PPARGC1A: variants seen among roughly 807,000 people sequenced by gnomAD.
The protein encoded by PPARGC1A is PPARG coactivator 1 alpha.
Under a neutral mutation model 88.7 loss-of-function variants are expected in PPARGC1A, and 25 were observed. The observed-to-expected ratio is 0.28, with a 90% CI of 0.21 to 0.39. PPARGC1A has a LOEUF of 0.39. Among genes scored for constraint, PPARGC1A ranks in the 10% least tolerant of loss-of-function variants. The pLI is 1.00. For synonymous variants in PPARGC1A, 363 were observed against 355.6 expected (o/e 1.02, Z -0.24); for missense variants, 880 against 968.7 (o/e 0.91, Z 1.22).
chr4:23,834,498 A>AC (rs1725664756), intron 2 of PPARGC1A, among the ~76,000 whole-genome samples: 2 of 152,130 alleles, frequency 1.3e-5, no homozygotes, highest in African/African-American at 4.8e-5. Context: ...CAAAAAAAAA[A>AC]AACAACCAAA....
At chr4:24,143,836 C>A in the PPARGC1A span, among the ~76,000 whole-genome samples, 1 of 152,218 alleles carries the variant, frequency 6.6e-6, no homozygotes, top group Non-Finnish European at 1.5e-5. Flanking sequence ...ATCTCAGAAC[C>A]GCCACTTGGC....
chr4:24,324,388 G>A, the PPARGC1A span, among the ~76,000 whole-genome samples: 5 of 149,762 alleles, frequency 3.3e-5, no homozygotes, highest in Non-Finnish European at 7.4e-5. Context: ...TTATTTCCAT[G>A]CCCCAACCCC....
chr4:23,960,494 T>C, the PPARGC1A span, among the ~76,000 whole-genome samples: 5 of 152,286 alleles, frequency 3.3e-5, no homozygotes, highest in African/African-American at 1.2e-4. Context: ...TGCTCATCTT[T>C]GGCTCCTATT....
chr4:23,922,364 A>G, the PPARGC1A span, among the ~76,000 whole-genome samples: 3 of 152,168 alleles, frequency 2.0e-5, no homozygotes, highest in Non-Finnish European at 4.4e-5. Flanking sequence ...GCAGGTACAC[A>G]TCTATGTGTG....
the PPARGC1A span, among the ~76,000 whole-genome samples, chr4:24,327,575 G>A: frequency 6.6e-6 from 1 of 151,706 alleles, no homozygotes; most frequent in Admixed American, 6.6e-5. Context: ...CCGTATCCAG[G>A]CCATCACCAA....
At chr4:24,233,211 A>G in the PPARGC1A span, among the ~76,000 whole-genome samples, 3 of 152,250 alleles carry the variant, frequency 2.0e-5, no homozygotes, top group African/African-American at 7.2e-5. Context: ...TTCCTCCACA[A>G]TTTAAAACAA....
chr4:24,102,384 T>G, the PPARGC1A span, among the ~76,000 whole-genome samples: 1 of 152,126 alleles, frequency 6.6e-6, no homozygotes, highest in African/African-American at 2.4e-5. Flanking sequence ...AACACTGATG[T>G]CCACACAGGC....
rs558980816 is a variant in PPARGC1A at position 23,809,725 on chromosome 4, A to G, written c.2019+3022T>C. Among the ~76,000 whole-genome samples the G allele has an allele frequency of 3.9e-5, 6 of 152,328 alleles. No individual in the cohort carries two copies. The East Asian group carries it at 5.8e-4, about 15-fold the overall frequency. On this transcript the variant is annotated intron_variant, in intron 10 of 12. Transcript: ENST00000264867. Reference sequence around the variant, plus strand: ...TATTTTACACTATTTTTTTATACTAAGTCTTCTAAATCCAATCACACAGTG... The same window carrying G: ...TATTTTACACTATTTTTTTATACTAGGTCTTCTAAATCCAATCACACAGTG...
chr4:24,027,027 G>A, the PPARGC1A span, among the ~76,000 whole-genome samples: 2 of 152,044 alleles, frequency 1.3e-5, no homozygotes, highest in Admixed American at 6.6e-5. Flanking sequence ...AGACATACAA[G>A]GAAAGCTGTA....
intron 2 of PPARGC1A, among the ~76,000 whole-genome samples, chr4:23,841,435 G>T (rs1727030425): frequency 6.6e-6 from 1 of 151,764 alleles, no homozygotes; most frequent in Non-Finnish European, 1.5e-5. Context: ...ATATTATAGT[G>T]TATATTTTAT....
chr4:23,873,203 T>TAAAA (rs1560487976), intron 2 of PPARGC1A, among the ~76,000 whole-genome samples: 1 of 109,072 alleles, frequency 9.2e-6, no homozygotes, highest in African/African-American at 3.2e-5. Flanking sequence ...GTCTCAAAAA[T>TAAAA]AAAAAATAAA....
chr4:24,431,609 C>G, the PPARGC1A span, among the ~76,000 whole-genome samples: 1 of 152,128 alleles, frequency 6.6e-6, no homozygotes, highest in Non-Finnish European at 1.5e-5. Flanking sequence ...CCAGAAAGAC[C>G]GTCGAATGTG....
chr4:24,439,574 A>G, the PPARGC1A span, among the ~76,000 whole-genome samples: 1 of 152,180 alleles, frequency 6.6e-6, no homozygotes, highest in African/African-American at 2.4e-5. Context: ...TGTCATACCT[A>G]GGGACTATAT....
intron 2 of PPARGC1A, among the ~76,000 whole-genome samples, chr4:23,848,044 G>T (rs967773459): frequency 3.0e-4 from 45 of 152,086 alleles, no homozygotes; most frequent in African/African-American, 1.0e-3. Context: ...GTCTTCCCTG[G>T]GCCTTAATTT....
chr4:24,070,354 G>A, the PPARGC1A span, among the ~76,000 whole-genome samples: 1 of 152,142 alleles, frequency 6.6e-6, no homozygotes, highest in East Asian at 1.9e-4. Flanking sequence ...CTTTAAAAGT[G>A]CCTACACCTT....
chr4:23,867,014 G>A (rs923537429), intron 2 of PPARGC1A, among the ~76,000 whole-genome samples: 1 of 148,280 alleles, frequency 6.7e-6, no homozygotes, highest in African/African-American at 2.4e-5. Flanking sequence ...CCTTTTTCTT[G>A]TCTTCCTCCT....
chr4:24,451,976 G>T, the PPARGC1A span, among the ~76,000 whole-genome samples: 2 of 152,116 alleles, frequency 1.3e-5, no homozygotes, highest in Non-Finnish European at 2.9e-5. Context: ...TTTTGTACGA[G>T]ATTTAACATT....
the PPARGC1A span, among the ~76,000 whole-genome samples, chr4:24,470,554 C>T: frequency 1.3e-5 from 2 of 152,088 alleles, no homozygotes; most frequent in Non-Finnish European, 2.9e-5. This position sits in a 1 kb window ranked among gnomAD's most constrained non-coding sequence, Gnocchi z 5.8. Context: ...CCAGCTCCAG[C>T]GCCGGCCCGA....
chr4:24,390,817 C>A, the PPARGC1A span, among the ~76,000 whole-genome samples: 2 of 151,988 alleles, frequency 1.3e-5, no homozygotes, highest in Non-Finnish European at 2.9e-5. Flanking sequence ...CCTTTCAAAT[C>A]TCTCTGATAC....
Sources: allele counts gnomAD v4.1 joint callset (sites outside exome capture counted in the v4.1 genomes callset), GRCh38; gene constraint gnomAD v4.1.1; non-coding constraint Gnocchi (gnomAD v3.1); transcripts MANE v1.5; gene names NCBI Gene and HGNC (gene_info 2026-07-23, HGNC 2026-07-21).